Variants in TMEM272 observed in about 807,000 individuals in gnomAD.
The protein encoded by TMEM272 is transmembrane protein 272.
A neutral mutation model predicts 3.7 loss-of-function variants in TMEM272; 8 were observed. The observed-to-expected ratio is 2.17, with a 90% CI of 1.27 to 3.91. The LOEUF (loss-of-function observed/expected upper bound fraction) is 3.91. TMEM272 is among the 30% of genes most tolerant of loss of function. The pLI is 0.00. For missense variants in TMEM272, 166 were observed against 91.5 expected (o/e 1.81, Z -3.32); for synonymous variants, 63 against 39.8 (o/e 1.58, Z -2.20).
At chr13:51,884,246 AT>A in the TMEM272 span, among the ~76,000 whole-genome samples, 3 of 152,142 alleles carry the variant, frequency 2.0e-5, no homozygotes, top group African/African-American at 7.2e-5. Context: ...CATAACCTGT[AT>A]TTGACAACAT....
chr13:51,847,570 C>T (rs1401546922), upstream of TMEM272, among the ~76,000 whole-genome samples: 8 of 152,118 alleles, frequency 5.3e-5, no homozygotes, highest in African/African-American at 1.9e-4. Context: ...GCAAAATTGC[C>T]GAATGTCACA....
rs1407577753 is a variant in TMEM272, at chr13:51,815,655, T to A, written c.*1096A>T. 1 of 152,202 alleles carries A rather than the reference T, an allele frequency of 6.6e-6. No homozygotes were observed. Among genetic ancestry groups the A allele is most frequent in the East Asian group, 1.9e-4 (1 of 5,194 alleles). The allele number at this position is 152,202 out of a possible 1,614,324, so 9.4% of individuals were successfully genotyped here. Reference sequence around the variant, plus strand: ...CTGGGCACTGCCCTAGAAACACTCATGACAGTATCTTCATACAAAATTCTA... The same window carrying A: ...CTGGGCACTGCCCTAGAAACACTCAAGACAGTATCTTCATACAAAATTCTA... On this transcript the variant is annotated 3_prime_UTR_variant, in exon 5 of 5. Coordinates refer to ENST00000629372, the MANE Select transcript of TMEM272 (RefSeq NM_001351003.2).
chr13:51,834,057 G>C (rs907444229), intron 2 of TMEM272, among the ~76,000 whole-genome samples: 1 of 152,184 alleles, frequency 6.6e-6, no homozygotes, highest in African/African-American at 2.4e-5. Context: ...GGCTCGTAAA[G>C]ACCCCGACAT....
chr13:51,839,792 G>A (rs1041907870), intron 1 of TMEM272, among the ~76,000 whole-genome samples: 3 of 152,212 alleles, frequency 2.0e-5, no homozygotes, highest in Non-Finnish European at 4.4e-5. Flanking sequence ...TGGGCCTGCA[G>A]GCAGGAGCCA....
chr13:51,821,471 C>T (rs1196510871), intron 4 of TMEM272, among the ~76,000 whole-genome samples: 1 of 152,060 alleles, frequency 6.6e-6, no homozygotes, highest in African/African-American at 2.4e-5. Context: ...ACTACATAAC[C>T]TTGAGAGTCA....
the TMEM272 span, among the ~76,000 whole-genome samples, chr13:51,903,358 T>C: frequency 6.6e-6 from 1 of 152,116 alleles, no homozygotes; most frequent in Non-Finnish European, 1.5e-5. Flanking sequence ...GAGGTCTTGG[T>C]TTCCAATAAG....
the TMEM272 span, among the ~76,000 whole-genome samples, chr13:51,860,696 G>C: frequency 7.2e-6 from 1 of 138,540 alleles, no homozygotes; most frequent in Non-Finnish European, 1.6e-5. Context: ...TTACCAAAAA[G>C]AGACAGAAAA....
the TMEM272 span, among the ~76,000 whole-genome samples, chr13:51,919,662 T>A: frequency 6.6e-6 from 1 of 152,256 alleles, no homozygotes; most frequent in Admixed American, 6.5e-5. Flanking sequence ...CTTTCTCTTA[T>A]GACACACATC....
At chr13:51,897,031 C>A in the TMEM272 span, among the ~76,000 whole-genome samples, 3 of 152,180 alleles carry the variant, frequency 2.0e-5, no homozygotes, top group Non-Finnish European at 4.4e-5. Context: ...GCAGCATAAA[C>A]TTCATGTTCA....
upstream of TMEM272, among the ~76,000 whole-genome samples, chr13:51,848,051 T>C (rs1956314913): frequency 3.9e-5 from 6 of 152,194 alleles, no homozygotes; most frequent in Admixed American, 3.9e-4. Flanking sequence ...TGATAAATGA[T>C]AGTAATAATA....
At chr13:51,843,309 A>G (rs149138314) in intron 1 of TMEM272, among the ~76,000 whole-genome samples, 6 of 152,310 alleles carry the variant, frequency 3.9e-5, no homozygotes, top group African/African-American at 1.4e-4. Flanking sequence ...GATTCACAGA[A>G]TTCACTGTGT....
chr13:51,814,156 G>A lies in TMEM272; in HGVS notation c.*2595C>T, dbSNP rs948431599. On this transcript the variant is annotated 3_prime_UTR_variant, in exon 5 of 5. Transcript: ENST00000629372. ...CCAGCTCAGTGAAATTATACTAAGA[G>A]GTGATCACTTAAAGGGCACGCAGCT... 32 of 152,264 alleles carry A rather than the reference G, an allele frequency of 2.1e-4. No homozygotes were observed. Among genetic ancestry groups the A allele is most frequent in the African/African-American group, 7.5e-4 (31 of 41,454 alleles). The allele number at this position is 152,264 out of a possible 1,614,324, so 9.4% of individuals were successfully genotyped here.
At chr13:51,930,835 TA>T in the TMEM272 span, among the ~76,000 whole-genome samples, 1 of 151,998 alleles carries the variant, frequency 6.6e-6, no homozygotes, top group African/African-American at 2.4e-5. Context: ...GCTGGATTTA[TA>T]AAAAATAAGT....
chr13:51,924,949 G>A, the TMEM272 span, among the ~76,000 whole-genome samples: 6 of 152,146 alleles, frequency 3.9e-5, no homozygotes, highest in Admixed American at 1.3e-4. Context: ...TGGGAAATGC[G>A]GATTTTACGC....
the TMEM272 span, chr13:51,910,557 A>T: frequency 1.1e-4 from 77 of 693,088 alleles, no homozygotes; most frequent in African/African-American, 1.0e-3. Flanking sequence ...TGCTGCCATA[A>T]CCCTGGGTAG....
intron 2 of TMEM272, among the ~76,000 whole-genome samples, chr13:51,833,797 A>G (rs1956192897): frequency 6.6e-6 from 1 of 152,192 alleles, no homozygotes; most frequent in African/African-American, 2.4e-5. Flanking sequence ...GGACCCTTCC[A>G]CAATACTGAT....
chr13:51,904,295 G>T, the TMEM272 span, among the ~76,000 whole-genome samples: 1 of 152,124 alleles, frequency 6.6e-6, no homozygotes, highest in Admixed American at 6.6e-5. Context: ...AATACATGAT[G>T]ACAGAAACTG....
At chr13:51,925,097 A>G in the TMEM272 span, among the ~76,000 whole-genome samples, 270 of 152,148 alleles carry the variant, frequency 1.8e-3, no homozygotes, top group South Asian at 6.2e-3. Flanking sequence ...TCCTTTCTAA[A>G]TTTCTCTTGC....
At chr13:51,855,646 T>G in the TMEM272 span, among the ~76,000 whole-genome samples, 1 of 152,110 alleles carries the variant, frequency 6.6e-6, no homozygotes. Context: ...AATTAAAGAC[T>G]GAATAGAAAC....
Sources: allele counts gnomAD v4.1 joint callset (sites outside exome capture counted in the v4.1 genomes callset), GRCh38; gene constraint gnomAD v4.1.1; transcripts MANE v1.5; gene names NCBI Gene and HGNC (gene_info 2026-07-23, HGNC 2026-07-21).